FKBP15: variants seen among roughly 807,000 people sequenced by gnomAD.
FKBP15 encodes FK506-binding protein 15.
In FKBP15, 106 loss-of-function variants were observed where a neutral mutation model predicts 158.1. That is an observed-to-expected ratio of 0.67 (90% CI 0.57 to 0.79). The LOEUF (loss-of-function observed/expected upper bound fraction) is 0.79, where lower values mean the gene tolerates loss of function less well. Ranked by LOEUF, FKBP15 falls within the 30% of genes least tolerant of loss-of-function variation. The pLI, the probability that FKBP15 is intolerant of heterozygous loss-of-function variation, is 0.00. For missense variants in FKBP15, 1,287 were observed against 1,479.1 expected (o/e 0.87, Z 2.13); for synonymous variants, 547 against 548.6 (o/e 1.00, Z 0.04).
At chr9:113,212,333 C>T (rs1366529889) in intron 1 of FKBP15, among the ~76,000 whole-genome samples, 1 of 152,026 alleles carries the variant, frequency 6.6e-6, no homozygotes, top group Non-Finnish European at 1.5e-5. Context: ...GGACTACAGG[C>T]GCGTGTCACC....
At chr9:113,172,069 A>G (rs998154327) in intron 23 of FKBP15, among the ~76,000 whole-genome samples, 3 of 151,234 alleles carry the variant, frequency 2.0e-5, no homozygotes, top group East Asian at 1.9e-4. Flanking sequence ...TCACTGATCA[A>G]TTCCCACCTA....
intron 21 of FKBP15, among the ~76,000 whole-genome samples, chr9:113,174,813 G>GGGAACATCCTAACTTTCATAAAGGTACA (rs1289373173): frequency 8.4e-5 from 4 of 47,812 alleles, no homozygotes; most frequent in Admixed American, 4.3e-4. Context: ...TTAAGAGCTA[G>GGGAACATCCTAACTTTCATAAAGGTACA]GGAAATTGGG....
rs1271280951 is a variant in FKBP15 at position 113,202,459 on chromosome 9, A to G, written c.498+72T>C. The G allele has an allele frequency of 2.6e-6, 3 of 1,170,772 alleles. No individual in the cohort carries two copies. In the East Asian group the frequency reaches 7.8e-5, roughly 31 times the overall value. The allele number at this position is 1,170,772 out of a possible 1,614,324, so 72.5% of individuals were successfully genotyped here. ...ACACAGCAGATTATGGGTTTTCTAT[A>G]TGTTTCCCTAAAATTAAGGGAAATC... On this transcript the variant is annotated intron_variant, in intron 6 of 27. Transcript: ENST00000238256.
rs767071025 is a variant in FKBP15, at chr9:113,162,808, A to G, written c.*3270T>C. On this transcript the variant is annotated 3_prime_UTR_variant, in exon 28 of 28. Coordinates refer to ENST00000238256, the MANE Select transcript of FKBP15 (RefSeq NM_015258.2). ...CATGTCATCCAGGTGGTCATCGGCT[A>G]CTTCATCATGCTGGCCGTAATGTCC... 7 of 1,613,550 alleles carry G rather than the reference A, an allele frequency of 4.3e-6. No individual in the cohort carries two copies. Among genetic ancestry groups the G allele is most frequent in the Non-Finnish European group, 5.9e-6 (7 of 1,179,752 alleles).
chr9:113,188,693 C>T, intron 12 of FKBP15: 1 of 529,504 alleles, frequency 1.9e-6, no homozygotes, highest in Non-Finnish European at 3.4e-6. Context: ...GAGTCCTTCT[C>T]CCTATAATCA....
At position 113,169,462 on chromosome 9, in the gene FKBP15, C is replaced by T; in HGVS notation, c.3247G>A (p.Val1083Ile). 10 of 1,614,070 alleles carry T rather than the reference C, an allele frequency of 6.2e-6. No individual in the cohort carries two copies. Among genetic ancestry groups the T allele is most frequent in the South Asian group, 3.3e-5 (3 of 91,088 alleles). The change falls in exon 26 of 28, where the codon GTA (valine) becomes ATA (isoleucine). Residue 1083 changes from valine to isoleucine, a missense_variant. Physicochemically the swap from Val to Ile is conservative, Grantham distance 29 (BLOSUM62 3). Transcript: ENST00000238256. ...NPSGKVCVRE[V>I]APDGPLQESS... The stretch of plus-strand genomic sequence containing the variant: ...TCTTGTAGTGGGCCATCTGGTGCTA[C>T]TTCCCTGACACAGACCTTTCCTGAT...
Position 113,184,125 on chromosome 9 carries a change from GTCA to G in FKBP15, c.1716+164_1716+166del, listed in dbSNP as rs1243585117. On this transcript the variant is annotated intron_variant, in intron 17 of 27. Coordinates refer to ENST00000238256, the MANE Select transcript of FKBP15 (RefSeq NM_015258.2). The surrounding 1 kb of genome is among the most constrained non-coding windows in gnomAD (Gnocchi z 4.5). The stretch of plus-strand genomic sequence containing the variant: ...TTTCCTTCAGAATATATAGTGATAA[GTCA>G]CTTGGACAGAATTAAGCCATAATGG... Among the ~76,000 whole-genome samples, 8 of 152,194 alleles carry G rather than the reference GTCA, an allele frequency of 5.3e-5. No individual in the cohort carries two copies. Among genetic ancestry groups the G allele is most frequent in the Non-Finnish European group, 1.0e-4 (7 of 68,016 alleles).
At chr9:113,181,379 T>C (rs756803643) in intron 19 of FKBP15, among the ~76,000 whole-genome samples, 9 of 152,142 alleles carry the variant, frequency 5.9e-5, no homozygotes, top group Admixed American at 5.2e-4. Flanking sequence ...TTGGAACACA[T>C]ACACACACAA....
chr9:113,192,068 C>G (rs1041279762), intron 11 of FKBP15, among the ~76,000 whole-genome samples: 1 of 151,098 alleles, frequency 6.6e-6, no homozygotes, highest in Non-Finnish European at 1.5e-5. Flanking sequence ...TAGTTGGAGG[C>G]CATTAGTCTG....
At chr9:113,213,638 G>A (rs544566382) in intron 1 of FKBP15, among the ~76,000 whole-genome samples, 3 of 151,926 alleles carry the variant, frequency 2.0e-5, no homozygotes, top group Admixed American at 1.3e-4. Context: ...TGAGACTGGT[G>A]GCGTTATAAG....
chr9:113,183,969 A>G (rs1180346051), intron 17 of FKBP15, 124 bp from the exon 18 acceptor site: 1 of 695,092 alleles, frequency 1.4e-6, no homozygotes, highest in African/African-American at 1.8e-5. Flanking sequence ...ACTAGAACTT[A>G]TGTCCACATG....
At chr9:113,200,715 T>C (rs746971318) in intron 6 of FKBP15, among the ~76,000 whole-genome samples, 2 of 152,168 alleles carry the variant, frequency 1.3e-5, no homozygotes, top group African/African-American at 2.4e-5. Context: ...TGTTTTAACA[T>C]AGTATCCATT....
intron 11 of FKBP15, among the ~76,000 whole-genome samples, chr9:113,191,426 T>C (rs1830573030): frequency 6.6e-6 from 1 of 151,912 alleles, no homozygotes; most frequent in Non-Finnish European, 1.5e-5. Context: ...CTTACAGGGA[T>C]TGGTGGTACT....
In FKBP15 at chr9:113,194,438, T is replaced by A. The variant is rs10817455; in HGVS notation, c.865-269A>T. Among the ~76,000 whole-genome samples the A allele has an allele frequency of 0.76, 113,073 of 149,054 alleles. 42,917 individuals carry two copies. Among genetic ancestry groups the A allele is most frequent in the Admixed American group, 0.78 (11,734 of 15,084 alleles). ...TAATAATAAAAAATAAATAAATAAA[T>A]AATAAATAAATTAAAAAAAAAAAAG... On this transcript the variant is annotated intron_variant, in intron 9 of 27. Coordinates refer to ENST00000238256, the MANE Select transcript of FKBP15 (RefSeq NM_015258.2).
At chr9:113,210,394 G>A (rs1466750357) in intron 2 of FKBP15, among the ~76,000 whole-genome samples, 2 of 142,896 alleles carry the variant, frequency 1.4e-5, no homozygotes, top group African/African-American at 2.6e-5. Context: ...GTGCAGTGGC[G>A]TGATCTTGGC....
At chr9:113,188,704 T>C in intron 12 of FKBP15, 1 of 513,934 alleles carries the variant, frequency 1.9e-6, no homozygotes, top group South Asian at 2.5e-5. Flanking sequence ...CCTATAATCA[T>C]ATTGAATAAG....
chr9:113,173,465 T>C lies in FKBP15; in HGVS notation c.2520A>G (p.Gln840=), dbSNP rs927581578. The C allele has an allele frequency of 1.2e-6, 2 of 1,613,042 alleles. No homozygotes were observed. The highest frequency in any genetic ancestry group is 1.7e-6 in the Non-Finnish European group (2 of 1,179,176). ...QRDAYQQKLV[Q]LQEKCLALQA... is the part of the protein sequence containing the mutation. ...GAAAAATATGTACCTTTTCCTGAAG[T>C]TGTACCAGCTTCTGCTGGTAGGCAT... The change falls in exon 23 of 28, where the codon CAA becomes CAG. Residue 840 remains glutamine (Q), a synonymous_variant. Coordinates refer to ENST00000238256, the MANE Select transcript of FKBP15 (RefSeq NM_015258.2).
chr9:113,211,571 A>G lies in FKBP15; in HGVS notation c.75T>C (p.Phe25=), dbSNP rs1229303979. The change falls in exon 2 of 28, where the codon TTT becomes TTC. Residue 25 remains phenylalanine (F), a synonymous_variant. Transcript: ENST00000238256. ...GGCCAGCAGCTGCCTGATCCAGTCC[A>G]AAAAGTGAGGCCAATCTGGCACTGT... ...PSGGARLASL[F]GLDQAAAGHG... is the part of the protein sequence containing the mutation. The G allele has an allele frequency of 3.7e-6, 6 of 1,603,238 alleles. No individual in the cohort carries two copies. Among genetic ancestry groups the G allele is most frequent in the East Asian group, 2.2e-5 (1 of 44,740 alleles).
At chr9:113,175,213 A>C (rs1321590321) in intron 21 of FKBP15, among the ~76,000 whole-genome samples, 2 of 152,184 alleles carry the variant, frequency 1.3e-5, no homozygotes, top group Non-Finnish European at 2.9e-5. Context: ...TCCTGTGAAA[A>C]GCCTTTAAAA....
Sources: allele counts gnomAD v4.1 joint callset (sites outside exome capture counted in the v4.1 genomes callset), GRCh38; gene constraint gnomAD v4.1.1; non-coding constraint Gnocchi (gnomAD v3.1); transcripts MANE v1.5; gene names NCBI Gene and HGNC (gene_info 2026-07-23, HGNC 2026-07-21).